Variants in PCDHA4 observed in about 807,000 individuals in gnomAD.
PCDHA4 encodes the protein protocadherin alpha-4.
Under a neutral mutation model 61.4 loss-of-function variants are expected in PCDHA4, and 49 were observed. The ratio of observed to expected loss-of-function variants is 0.80; its 90% CI spans 0.63 to 1.01. The LOEUF is 1.01. PCDHA4 is among the 50% of genes least tolerant of loss of function. The pLI is 0.00. For missense variants in PCDHA4, 1,254 were observed against 1,235.8 expected, an observed-to-expected ratio of 1.01 and a Z score of -0.22; for synonymous variants, 590 against 550.3, an observed-to-expected ratio of 1.07 and a Z score of -1.01.
intron 3 of PCDHA4, among the ~76,000 whole-genome samples, chr5:140,984,112 A>G (rs2097087288): frequency 6.6e-6 from 1 of 152,244 alleles, no homozygotes; most frequent in Admixed American, 6.5e-5. Flanking sequence ...GTGGTTTTAG[A>G]CTGCCAAGTG....
chr5:140,902,024 C>T (rs1554190174), intron 1 of PCDHA4, among the ~76,000 whole-genome samples: 5 of 152,016 alleles, frequency 3.3e-5, no homozygotes, highest in Non-Finnish European at 1.5e-5. Flanking sequence ...TATAGAAATA[C>T]TACTAATTTT....
intron 1 of PCDHA4, chr5:140,830,094 C>A (rs1770810347): frequency 1.2e-6 from 2 of 1,613,470 alleles, no homozygotes; most frequent in Non-Finnish European, 8.5e-7. Flanking sequence ...GTTCTGGTGT[C>A]GCTGGTGGAG....
intron 3 of PCDHA4, among the ~76,000 whole-genome samples, chr5:141,000,409 ATATATATATATATTT>A (rs2097918498): frequency 1.1e-5 from 1 of 94,040 alleles, no homozygotes; most frequent in East Asian, 3.1e-4. Flanking sequence ...ATATATATAT[ATATATATATATATTT>A]TTTTTTTTTT....
intron 1 of PCDHA4, chr5:140,823,348 G>T (rs2150124872): frequency 1.2e-6 from 2 of 1,612,460 alleles, no homozygotes; most frequent in Non-Finnish European, 1.7e-6. Flanking sequence ...GCTGGACCAC[G>T]AGGAAGTGGA....
chr5:140,878,033 A>G, intron 1 of PCDHA4: 2 of 574,166 alleles, frequency 3.5e-6, no homozygotes, highest in Non-Finnish European at 5.4e-6. Context: ...TGTAGGTACA[A>G]TGGAGGCCAT....
chr5:140,851,798 T>C lies in PCDHA4; in HGVS notation c.2385+42226T>C. On this transcript the variant is annotated intron_variant, in intron 1 of 3. Coordinates refer to ENST00000530339, the MANE Select transcript of PCDHA4 (RefSeq NM_018907.4). ...TTTAGATGAGAATTCACTTGTTCTGTCAGTAATCCATAAGACAGAAATCTG... is the reference window on the plus strand; with the variant it reads ...TTTAGATGAGAATTCACTTGTTCTGCCAGTAATCCATAAGACAGAAATCTG... 3 of 953,066 alleles carry C rather than the reference T, an allele frequency of 3.1e-6. No individual in the cohort carries two copies. The South Asian group carries it at 1.5e-4, about 46-fold the overall frequency. 59.0% of individuals were successfully genotyped at this position (953,066 alleles called of 1,614,324 possible). A position where few individuals can be genotyped will look rare whatever the true frequency, so the allele number is the denominator to read the frequency against.
intron 3 of PCDHA4, among the ~76,000 whole-genome samples, chr5:141,005,308 T>TA (rs2098205734): frequency 6.6e-6 from 1 of 152,214 alleles, no homozygotes; most frequent in Non-Finnish European, 1.5e-5. Context: ...TTGTGAATCT[T>TA]ACAGTGGTAG....
At chr5:140,884,078 A>C (rs2059981897) in intron 1 of PCDHA4, 5 of 1,613,512 alleles carry the variant, frequency 3.1e-6, no homozygotes, top group Non-Finnish European at 4.2e-6. Flanking sequence ...TTCGGGCTAC[A>C]ATGCGTGGCT....
chr5:140,928,659 C>T (rs782522131), intron 1 of PCDHA4: 2 of 1,614,080 alleles, frequency 1.2e-6, no homozygotes, highest in African/African-American at 2.7e-5. Context: ...AGGATGCTGA[C>T]AGTGGTTCTA....
chr5:140,991,707 A>G (rs1436655429), intron 3 of PCDHA4, among the ~76,000 whole-genome samples: 1 of 152,158 alleles, frequency 6.6e-6, no homozygotes, highest in Non-Finnish European at 1.5e-5. Flanking sequence ...TAATATGCAT[A>G]TTGCTACTAG....
chr5:140,861,046 A>G (rs2046732410), intron 1 of PCDHA4: 1 of 152,256 alleles, frequency 6.6e-6, no homozygotes, highest in African/African-American at 2.4e-5. Context: ...ATTTTTTTTA[A>G]CAGAAGAAAA....
At chr5:140,830,536 T>A (rs1771118020) in intron 1 of PCDHA4, 1 of 1,240,846 alleles carries the variant, frequency 8.1e-7, no homozygotes, top group Non-Finnish European at 1.1e-6. Context: ...AATTTATAAT[T>A]GTTTTCCTCA....
intron 1 of PCDHA4, among the ~76,000 whole-genome samples, chr5:140,902,712 C>T (rs1207971068): frequency 6.6e-6 from 1 of 152,008 alleles, no homozygotes; most frequent in African/African-American, 2.4e-5. Flanking sequence ...CTTTCACTCC[C>T]CTCCCACCCT....
At chr5:140,883,619 A>T (rs1554178937) in intron 1 of PCDHA4, 2 of 1,613,984 alleles carry the variant, frequency 1.2e-6, no homozygotes, top group Admixed American at 3.3e-5. Context: ...CGTGAACGAC[A>T]ACGCGCCGGC....
chr5:140,927,959 G>A lies in PCDHA4; in HGVS notation c.2386-50990G>A. On this transcript the variant is annotated intron_variant, in intron 1 of 3. Transcript: ENST00000530339. ...CCAGTACCTGAGGACGCTGCCCCTG[G>A]CACAGTGATTGCTCTCTTTAGTGTA... 1 of 1,614,190 alleles carries A rather than the reference G, an allele frequency of 6.2e-7. No individual in the cohort carries two copies. Among genetic ancestry groups the A allele is most frequent in the East Asian group, 2.2e-5 (1 of 44,886 alleles).
chr5:140,823,467 G>T, intron 1 of PCDHA4: 1 of 1,613,490 alleles, frequency 6.2e-7, no homozygotes. Flanking sequence ...CGCCGGCGCT[G>T]CTGGTGCCTC....
intron 1 of PCDHA4, chr5:140,823,708 C>A: frequency 6.2e-7 from 1 of 1,613,946 alleles, no homozygotes; most frequent in Non-Finnish European, 8.5e-7. Context: ...ACCGCGCCAC[C>A]GCCTTCTGGT....
At chr5:140,848,315 C>A (rs1347571265) in intron 1 of PCDHA4, 1 of 741,172 alleles carries the variant, frequency 1.3e-6, no homozygotes. Flanking sequence ...CTCTTTGCCG[C>A]GATGTTCTCT....
chr5:140,843,196 G>A (rs2150355144), intron 1 of PCDHA4: 4 of 1,595,956 alleles, frequency 2.5e-6, no homozygotes, highest in Non-Finnish European at 3.4e-6. Flanking sequence ...TCCGCGTGGG[G>A]CTGTACACGG....
Sources: gnomAD v4.1 joint callset for allele counts (sites outside exome capture counted in the v4.1 genomes callset) on GRCh38, gnomAD v4.1.1 for gene constraint, MANE v1.5 for transcripts, NCBI Gene and HGNC (gene_info 2026-07-23, HGNC 2026-07-21) for gene names.